Variants in SYT1 observed in about 807,000 individuals in gnomAD.
SYT1 encodes synaptotagmin 1.
In SYT1, 8 loss-of-function variants were observed where a neutral mutation model predicts 44.8. That is an observed-to-expected ratio of 0.18 (90% CI 0.10 to 0.32). SYT1 has a LOEUF of 0.32. Ranked by LOEUF, SYT1 falls within the 10% of genes least tolerant of loss-of-function variation. SYT1 has a pLI of 1.00. For synonymous variants in SYT1, 154 were observed against 188.8 expected (o/e 0.82, Z 1.51); for missense variants, 286 against 509.3 (o/e 0.56, Z 4.22).
chr12:79,148,931 G>T lies in SYT1; in HGVS notation c.-17-68572G>T, dbSNP rs116635212. 7.3e-3 allele frequency among the ~76,000 whole-genome samples: 1,110 copies of T among 152,088 alleles called. 17 individuals are homozygous for T. Among genetic ancestry groups the T allele is most frequent in the African/African-American group, 0.025 (1,056 of 41,502 alleles). ...GTTAAATCTAGGTTTTTAAATTAGCGTCTCAATATCGTTTAAATTAGTTCT... is the reference window on the plus strand; with the variant it reads ...GTTAAATCTAGGTTTTTAAATTAGCTTCTCAATATCGTTTAAATTAGTTCT... On this transcript the variant is annotated intron_variant, in intron 3 of 10. Transcript: ENST00000261205.
At chr12:78,941,660 A>T (rs1233073032) in intron 1 of SYT1, among the ~76,000 whole-genome samples, 1 of 152,148 alleles carries the variant, frequency 6.6e-6, no homozygotes, top group Admixed American at 6.6e-5. Context: ...ATTACAGGAA[A>T]TGTTTCCCAT....
At chr12:79,116,603 C>CTTTG (rs1879292261) in intron 3 of SYT1, among the ~76,000 whole-genome samples, 2 of 152,172 alleles carry the variant, frequency 1.3e-5, no homozygotes, top group Non-Finnish European at 2.9e-5. Flanking sequence ...AAAGTGAATG[C>CTTTG]TTTGTTCACT....
chr12:78,925,736 C>G (rs1242425535), intron 1 of SYT1, among the ~76,000 whole-genome samples: 1 of 151,920 alleles, frequency 6.6e-6, no homozygotes, highest in Non-Finnish European at 1.5e-5. Context: ...AGCTATTCAT[C>G]TAATAATCGC....
At chr12:79,056,852 C>T (rs903373758) in intron 3 of SYT1, among the ~76,000 whole-genome samples, 3 of 151,976 alleles carry the variant, frequency 2.0e-5, no homozygotes, top group South Asian at 2.1e-4. Flanking sequence ...AATACTGTTT[C>T]TCCTCATTTT....
At chr12:79,340,531 C>CTT (rs113376296) in intron 8 of SYT1, among the ~76,000 whole-genome samples, 17,244 of 152,092 alleles carry the variant, frequency 0.11, 1,763 homozygotes, top group African/African-American at 0.28. Flanking sequence ...TATCCTGAGA[C>CTT]TGCTGAAGTT....
intron 9 of SYT1, among the ~76,000 whole-genome samples, chr12:79,398,281 C>T (rs1045565777): frequency 9.2e-5 from 14 of 152,152 alleles, no homozygotes; most frequent in Non-Finnish European, 1.6e-4. Context: ...TACTAAGGGC[C>T]ATGCTCTGAG....
intron 4 of SYT1, among the ~76,000 whole-genome samples, chr12:79,276,606 G>A (rs1399668874): frequency 1.3e-5 from 2 of 151,182 alleles, no homozygotes; most frequent in Non-Finnish European, 2.9e-5. Context: ...AACCCGGGAG[G>A]CAGAGGTTGC....
intron 3 of SYT1, among the ~76,000 whole-genome samples, chr12:79,110,169 A>AT (rs1322668962): frequency 6.6e-6 from 1 of 152,180 alleles, no homozygotes; most frequent in Non-Finnish European, 1.5e-5. Flanking sequence ...TTATCTCCGA[A>AT]TAGAAGATTG....
At chr12:79,136,429 C>T (rs961997811) in intron 3 of SYT1, among the ~76,000 whole-genome samples, 2 of 152,174 alleles carry the variant, frequency 1.3e-5, no homozygotes, top group Non-Finnish European at 2.9e-5. Flanking sequence ...TCTTTACTAC[C>T]ATATTTTGCC....
At chr12:79,283,544 G>T (rs1047621148) in intron 4 of SYT1, among the ~76,000 whole-genome samples, 4 of 152,058 alleles carry the variant, frequency 2.6e-5, no homozygotes, top group Non-Finnish European at 5.9e-5. Flanking sequence ...CACCACACAA[G>T]TCCAACTGGG....
At chr12:79,169,269 C>T (rs999601017) in intron 3 of SYT1, among the ~76,000 whole-genome samples, 4 of 151,938 alleles carry the variant, frequency 2.6e-5, no homozygotes, top group Non-Finnish European at 4.4e-5. Flanking sequence ...GTCAACTATC[C>T]ACACCAAATT....
At chr12:78,963,879 T>C (rs903729582) in intron 1 of SYT1, among the ~76,000 whole-genome samples, 1 of 152,190 alleles carries the variant, frequency 6.6e-6, no homozygotes, top group Non-Finnish European at 1.5e-5. Flanking sequence ...CCCATATTCA[T>C]AGCAGCAGTA....
chr12:79,298,724 C>A (rs1005045415), intron 7 of SYT1, among the ~76,000 whole-genome samples: 4 of 152,146 alleles, frequency 2.6e-5, no homozygotes, highest in African/African-American at 9.6e-5. Flanking sequence ...TTTGCCACCA[C>A]TCATCCTAAG....
In SYT1 at chr12:78,962,073, T is replaced by G. The variant is rs149723106; in HGVS notation, c.-216-15726T>G. Among the ~76,000 whole-genome samples, 865 of 152,290 alleles carry G rather than the reference T, an allele frequency of 5.7e-3. 6 individuals carry two copies. Among genetic ancestry groups the G allele is most frequent in the Non-Finnish European group, 0.01 (686 of 68,020 alleles). Reference sequence around the variant, plus strand: ...TTTTTGTTTTCTTTTGTTGTTGTTTTGCTTTGTTTGGCTTGGTTTGGTTTG... The same window carrying G: ...TTTTTGTTTTCTTTTGTTGTTGTTTGGCTTTGTTTGGCTTGGTTTGGTTTG... On this transcript the variant is annotated intron_variant, in intron 1 of 10. Coordinates refer to ENST00000261205, the MANE Select transcript of SYT1 (RefSeq NM_005639.3).
At chr12:79,071,447 G>A (rs757944784) in intron 3 of SYT1, among the ~76,000 whole-genome samples, 14 of 152,156 alleles carry the variant, frequency 9.2e-5, no homozygotes, top group Admixed American at 2.6e-4. Flanking sequence ...TAATACTTCT[G>A]TGGACAATAA....
chr12:78,969,669 G>A (rs1014776529), intron 1 of SYT1, among the ~76,000 whole-genome samples: 2 of 152,068 alleles, frequency 1.3e-5, no homozygotes, highest in African/African-American at 4.8e-5. Context: ...TATAATGAGG[G>A]GAGTGTGGTG....
intron 2 of SYT1, among the ~76,000 whole-genome samples, chr12:79,014,619 G>A (rs1241260478): frequency 6.6e-6 from 1 of 152,108 alleles, no homozygotes. Context: ...TGGTGGGACT[G>A]TATACTAGTT....
chr12:79,151,828 C>T (rs1335822141), intron 3 of SYT1, among the ~76,000 whole-genome samples: 4 of 151,938 alleles, frequency 2.6e-5, no homozygotes, highest in Non-Finnish European at 4.4e-5. Context: ...CCAAAAAGTA[C>T]GAGGGATGTG....
chr12:78,899,595 A>G (rs1426148019), intron 1 of SYT1, among the ~76,000 whole-genome samples: 3 of 150,312 alleles, frequency 2.0e-5, no homozygotes, highest in Non-Finnish European at 4.4e-5. Flanking sequence ...TGAAATATTA[A>G]TATTTTTCAC....
Sources: allele counts gnomAD v4.1 joint callset (sites outside exome capture counted in the v4.1 genomes callset), GRCh38; gene constraint gnomAD v4.1.1; transcripts MANE v1.5; gene names NCBI Gene and HGNC (gene_info 2026-07-23, HGNC 2026-07-21).